NEGR1: variants seen among roughly 807,000 people sequenced by gnomAD.
NEGR1 encodes neuronal growth regulator 1, also known as IgLON family member 4.
Under a neutral mutation model 40.9 loss-of-function variants are expected in NEGR1, and 10 were observed. That is an observed-to-expected ratio of 0.24 (90% CI 0.15 to 0.42). NEGR1 has a LOEUF of 0.42. NEGR1 is among the 10% of genes least tolerant of loss of function. NEGR1 has a pLI of 1.00. For synonymous variants in NEGR1, 185 were observed against 166.8 expected (o/e 1.11, Z -0.84); for missense variants, 352 against 438.9 (o/e 0.80, Z 1.77).
chr1:71,882,892 G>A (rs1419830675), intron 2 of NEGR1, among the ~76,000 whole-genome samples: 1 of 152,072 alleles, frequency 6.6e-6, no homozygotes, highest in East Asian at 1.9e-4. Flanking sequence ...TCATTTGAGA[G>A]TCATGTTACC....
chr1:72,169,095 A>G (rs968471849), intron 1 of NEGR1, among the ~76,000 whole-genome samples: 12 of 152,126 alleles, frequency 7.9e-5, no homozygotes, highest in Non-Finnish European at 1.6e-4. Context: ...TCATAAGAAA[A>G]ATGTATTAAT....
At chr1:72,112,339 G>T (rs910875926) in intron 1 of NEGR1, among the ~76,000 whole-genome samples, 5 of 150,538 alleles carry the variant, frequency 3.3e-5, no homozygotes, top group Non-Finnish European at 7.4e-5. Context: ...GTAATAATCA[G>T]AGTTCTTCGT....
chr1:72,224,046 A>C (rs946934413), intron 1 of NEGR1, among the ~76,000 whole-genome samples: 4 of 152,162 alleles, frequency 2.6e-5, no homozygotes, highest in African/African-American at 7.2e-5. Context: ...TTATGCTGAT[A>C]AGTGACAACA....
Position 72,209,225 on chromosome 1 carries a change from T to A in NEGR1, c.176+73094A>T, listed in dbSNP as rs770008139. On this transcript the variant is annotated intron_variant, in intron 1 of 6. Coordinates refer to ENST00000357731, the MANE Select transcript of NEGR1 (RefSeq NM_173808.3). Reference sequence around the variant, plus strand: ...AATTGTGAATTAGAAAAATAGTATATGATCTCATTTATAACAGATACAAAT... The same window carrying A: ...AATTGTGAATTAGAAAAATAGTATAAGATCTCATTTATAACAGATACAAAT... 1.0e-3 allele frequency among the ~76,000 whole-genome samples: 153 copies of A among 151,670 alleles called. 3 individuals carry two copies. Among genetic ancestry groups the A allele is most frequent in the Non-Finnish European group, 8.7e-4 (59 of 67,674 alleles).
chr1:71,622,942 A>T (rs1462761041), intron 4 of NEGR1, among the ~76,000 whole-genome samples: 2 of 151,968 alleles, frequency 1.3e-5, no homozygotes, highest in East Asian at 3.9e-4. Flanking sequence ...TAGCTTACTG[A>T]ATGGTTTATT....
intron 4 of NEGR1, among the ~76,000 whole-genome samples, chr1:71,689,325 T>TA (rs1653173820): frequency 6.6e-6 from 1 of 152,110 alleles, no homozygotes; most frequent in African/African-American, 2.4e-5. Context: ...TAAATAACTA[T>TA]CAGAAAAACA....
rs566414405 is a variant in NEGR1 at position 71,585,199 on chromosome 1, T to C, written c.940+7618A>G. Among the ~76,000 whole-genome samples, 4 of 152,268 alleles carry C rather than the reference T, an allele frequency of 2.6e-5. No individual in the cohort carries two copies. In the East Asian group the frequency reaches 7.7e-4, roughly 29 times the overall value. ...AATATTGGCAGCACTTCTACTTTGT[T>C]AAGGAGTAAGTTTAACTTTAAAAAA... On this transcript the variant is annotated intron_variant, in intron 6 of 6. Transcript: ENST00000357731.
At chr1:71,731,938 G>T (rs953121012) in intron 3 of NEGR1, among the ~76,000 whole-genome samples, 47 of 152,054 alleles carry the variant, frequency 3.1e-4, no homozygotes, top group Admixed American at 4.6e-4. Context: ...ACTTCTATTT[G>T]CATCCTTATT....
intron 3 of NEGR1, among the ~76,000 whole-genome samples, chr1:71,716,209 G>A (rs1654271336): frequency 6.6e-6 from 1 of 152,034 alleles, no homozygotes. Context: ...CACGAGAATA[G>A]CATGGGGGAA....
chr1:71,962,263 A>C (rs1345630760), intron 1 of NEGR1, among the ~76,000 whole-genome samples: 1 of 152,124 alleles, frequency 6.6e-6, no homozygotes, highest in African/African-American at 2.4e-5. Flanking sequence ...GAAAGAAATC[A>C]AAAAACATGA....
At chr1:71,446,840 T>C (rs924695185) in intron 6 of NEGR1, among the ~76,000 whole-genome samples, 14 of 152,342 alleles carry the variant, frequency 9.2e-5, no homozygotes, top group African/African-American at 3.4e-4. Context: ...AACCATTATG[T>C]TGACTTCTAT....
At chr1:71,673,421 C>T (rs1286230662) in intron 4 of NEGR1, among the ~76,000 whole-genome samples, 2 of 122,840 alleles carry the variant, frequency 1.6e-5, no homozygotes, top group African/African-American at 3.0e-5. Flanking sequence ...ATGTCTGACA[C>T]TGAAGATACA....
At chr1:72,220,223 T>C (rs1653966566) in intron 1 of NEGR1, among the ~76,000 whole-genome samples, 2 of 151,524 alleles carry the variant, frequency 1.3e-5, no homozygotes, top group African/African-American at 4.8e-5. Flanking sequence ...ATAAAAAAAT[T>C]CCCTACTCTA....
chr1:71,886,830 G>A (rs1660737819), intron 2 of NEGR1, among the ~76,000 whole-genome samples: 1 of 152,194 alleles, frequency 6.6e-6, no homozygotes, highest in Admixed American at 6.5e-5. Flanking sequence ...GCACAGGAAA[G>A]GAGCCATTGT....
chr1:71,822,873 C>T (rs747309711), intron 2 of NEGR1, among the ~76,000 whole-genome samples: 3 of 151,978 alleles, frequency 2.0e-5, no homozygotes, highest in Non-Finnish European at 2.9e-5. Flanking sequence ...GTATTGCACA[C>T]TAAATCCAGA....
At chr1:71,829,380 G>A (rs1658758317) in intron 2 of NEGR1, among the ~76,000 whole-genome samples, 1 of 151,840 alleles carries the variant, frequency 6.6e-6, no homozygotes, top group Non-Finnish European at 1.5e-5. Flanking sequence ...AATGCAATAA[G>A]CTCCTATCAA....
chr1:71,585,982 T>C (rs1336479874), intron 6 of NEGR1, among the ~76,000 whole-genome samples: 1 of 152,098 alleles, frequency 6.6e-6, no homozygotes, highest in Non-Finnish European at 1.5e-5. Flanking sequence ...AGACTAGTAG[T>C]GTATTGGCCA....
intron 2 of NEGR1, among the ~76,000 whole-genome samples, chr1:71,878,582 T>C (rs1660497712): frequency 6.6e-6 from 1 of 152,200 alleles, no homozygotes; most frequent in African/African-American, 2.4e-5. Flanking sequence ...TTTAATTAAA[T>C]GTATTTGTCA....
chr1:72,236,005 T>A (rs1175844235), intron 1 of NEGR1, among the ~76,000 whole-genome samples: 1 of 152,054 alleles, frequency 6.6e-6, no homozygotes, highest in Non-Finnish European at 1.5e-5. Flanking sequence ...GCAGCACTGT[T>A]CACAATAGCA....
Sources: allele counts gnomAD v4.1 joint callset (sites outside exome capture counted in the v4.1 genomes callset), GRCh38; gene constraint gnomAD v4.1.1; transcripts MANE v1.5; gene names NCBI Gene and HGNC (gene_info 2026-07-23, HGNC 2026-07-21).